The following CELF4 variants were observed in gnomAD, a reference collection of about 807,000 sequenced individuals.
CELF4 encodes the protein CUG-BP- and ETR-3-like factor 4.
A neutral mutation model predicts 59.9 loss-of-function variants in CELF4; 18 were observed. The ratio of observed to expected loss-of-function variants is 0.30; its 90% CI spans 0.21 to 0.45. The LOEUF is 0.45. Among genes scored for constraint, CELF4 ranks in the 20% least tolerant of loss-of-function variants. The probability of loss-of-function intolerance (pLI) is 1.00; values close to 1 mark genes in which losing one functional copy is unlikely to be tolerated. For missense variants in CELF4, 456 were observed against 689.0 expected (o/e 0.66, Z 3.79); for synonymous variants, 261 against 267.1 (o/e 0.98, Z 0.22).
chr18:37,316,956 C>T (rs1374444001), intron 3 of CELF4, among the ~76,000 whole-genome samples: 2 of 152,184 alleles, frequency 1.3e-5, no homozygotes, highest in African/African-American at 2.4e-5. Flanking sequence ...TGGTGGCTGA[C>T]AGGTAGGAGT....
intron 2 of CELF4, among the ~76,000 whole-genome samples, chr18:37,455,505 G>C (rs760380485): frequency 2.6e-5 from 4 of 152,188 alleles, no homozygotes; most frequent in Non-Finnish European, 5.9e-5. Context: ...TGTGGTTTGG[G>C]GCTCCCCAAT....
intron 2 of CELF4, among the ~76,000 whole-genome samples, chr18:37,483,887 G>T (rs941130619): frequency 9.2e-5 from 14 of 152,116 alleles, no homozygotes; most frequent in Admixed American, 9.2e-4. Flanking sequence ...AATTATTAAA[G>T]AACTAATACA....
intron 1 of CELF4, among the ~76,000 whole-genome samples, chr18:37,497,942 T>C (rs1400728014): frequency 1.3e-5 from 2 of 152,212 alleles, no homozygotes; most frequent in Non-Finnish European, 2.9e-5. Flanking sequence ...CGAGATCTTG[T>C]GACCAGGTCC....
intron 10 of CELF4, among the ~76,000 whole-genome samples, chr18:37,260,580 C>T (rs932723093): frequency 1.3e-5 from 2 of 152,192 alleles, no homozygotes; most frequent in Non-Finnish European, 1.5e-5. Context: ...ATGGCTTTCA[C>T]GCCAGAGCCA....
Position 37,273,001 on chromosome 18 carries a change from C to A in CELF4, c.949+15G>T. ...CCCACCGGGCCAGACCGCGTGTTGGCACCTGCCAGCTCACCTGAGGTTGGG... is the reference window on the plus strand; with the variant it reads ...CCCACCGGGCCAGACCGCGTGTTGGAACCTGCCAGCTCACCTGAGGTTGGG... On this transcript the variant is annotated intron_variant, in intron 7 of 12. Transcript: ENST00000420428. 1.3e-6 allele frequency: 2 copies of A among 1,597,946 alleles called. No individual in the cohort carries two copies. The highest frequency in any genetic ancestry group is 1.7e-6 in the Non-Finnish European group (2 of 1,169,190).
intron 1 of CELF4, among the ~76,000 whole-genome samples, chr18:37,497,169 A>G (rs77267264): frequency 6.6e-6 from 1 of 152,260 alleles, no homozygotes; most frequent in Non-Finnish European, 1.5e-5. Context: ...ATGCCCACAG[A>G]GCCCACCAAG....
intron 2 of CELF4, among the ~76,000 whole-genome samples, chr18:37,424,160 C>T (rs2099597661): frequency 6.6e-6 from 1 of 152,150 alleles, no homozygotes. Flanking sequence ...ATATGTGGTT[C>T]CTGCAAGGGC....
At chr18:37,503,083 G>A (rs1034058370) in intron 1 of CELF4, among the ~76,000 whole-genome samples, 4 of 152,172 alleles carry the variant, frequency 2.6e-5, no homozygotes, top group East Asian at 1.9e-4. Context: ...CAGAGGGGTC[G>A]GATGGAATGC....
At chr18:37,303,835 T>C (rs920064493) in intron 3 of CELF4, among the ~76,000 whole-genome samples, 1 of 152,144 alleles carries the variant, frequency 6.6e-6, no homozygotes, top group African/African-American at 2.4e-5. Context: ...CCCCACCCCA[T>C]GTCCTTTCCT....
chr18:37,557,807 T>A (rs1295688668), intron 1 of CELF4, among the ~76,000 whole-genome samples: 1 of 152,114 alleles, frequency 6.6e-6, no homozygotes, highest in Non-Finnish European at 1.5e-5. Flanking sequence ...AGGGCACCCA[T>A]TTATTTCCAT....
At chr18:37,327,036 A>T (rs568166362) in intron 2 of CELF4, among the ~76,000 whole-genome samples, 3 of 152,300 alleles carry the variant, frequency 2.0e-5, no homozygotes, top group Admixed American at 6.5e-5. Flanking sequence ...ATTAGAATAA[A>T]TACGATGATT....
rs535366979 is a variant in CELF4, at chr18:37,419,357, T to C, written c.369+66168A>G. On this transcript the variant is annotated intron_variant, in intron 2 of 12. Transcript: ENST00000420428. ...GGAGGTTAGTCCTTCTGGAATGTTC[T>C]ACTTGGAGAACCACTGGCACTCTGT... 2.6e-5 allele frequency among the ~76,000 whole-genome samples: 4 copies of C among 152,358 alleles called. No homozygotes were observed. The East Asian group carries it at 5.8e-4, about 22-fold the overall frequency.
At chr18:37,435,724 G>T (rs529414757) in intron 2 of CELF4, among the ~76,000 whole-genome samples, 1 of 152,150 alleles carries the variant, frequency 6.6e-6, no homozygotes, top group Non-Finnish European at 1.5e-5. Context: ...CTCAGCAGGG[G>T]AGGCTGCACC....
chr18:37,318,640 CCCACTTTCTACTGCAA>C (rs11275587), intron 3 of CELF4, among the ~76,000 whole-genome samples: 11,111 of 150,234 alleles, frequency 0.074, 1,181 homozygotes, highest in African/African-American at 0.23. Context: ...TCCCCCCCCC[CCCACTTTCTACTGCAA>C]GAAGAATAAA....
chr18:37,396,226 A>G (rs1418871263), intron 2 of CELF4, among the ~76,000 whole-genome samples: 5 of 152,204 alleles, frequency 3.3e-5, no homozygotes, highest in African/African-American at 1.2e-4. Flanking sequence ...GTGAGGTTGC[A>G]AGTACCTCTG....
chr18:37,368,775 A>G (rs767836930), intron 2 of CELF4, among the ~76,000 whole-genome samples: 4 of 152,118 alleles, frequency 2.6e-5, no homozygotes, highest in Admixed American at 6.5e-5. Context: ...CTGTGTCCCT[A>G]TGGAACAGCC....
chr18:37,352,948 G>T (rs1302774518), intron 2 of CELF4, among the ~76,000 whole-genome samples: 1 of 152,060 alleles, frequency 6.6e-6, no homozygotes, highest in Admixed American at 6.5e-5. Flanking sequence ...TTGGCCGGGC[G>T]CGGTAGCTCA....
intron 2 of CELF4, among the ~76,000 whole-genome samples, chr18:37,369,149 T>A (rs1260196314): frequency 6.6e-6 from 1 of 152,112 alleles, no homozygotes; most frequent in African/African-American, 2.4e-5. Flanking sequence ...AGGCCAAAAC[T>A]CTTTTTCCTT....
Position 37,274,895 on chromosome 18 carries a change from G to C in CELF4, c.578-11C>G, listed in dbSNP as rs540241193. 152 of 1,603,916 alleles carry C rather than the reference G, an allele frequency of 9.5e-5. No individual in the cohort carries two copies. The highest frequency in any genetic ancestry group is 1.2e-4 in the Non-Finnish European group (139 of 1,176,078). On this transcript the variant is annotated splice_polypyrimidine_tract_variant and intron_variant, in intron 4 of 12. Coordinates refer to ENST00000420428, the MANE Select transcript of CELF4 (RefSeq NM_020180.4). ...TCACAAAGGCGCACCCTGCGAGGAC[G>C]CGAGAGGCCGAGCTGGGACCCAGAA...
Sources: gnomAD v4.1 joint callset for allele counts (sites outside exome capture counted in the v4.1 genomes callset) on GRCh38, gnomAD v4.1.1 for gene constraint, MANE v1.5 for transcripts, NCBI Gene and HGNC (gene_info 2026-07-23, HGNC 2026-07-21) for gene names.